The following NHSL2 variants were observed in gnomAD, a reference collection of about 807,000 sequenced individuals.
The protein encoded by NHSL2 is NHS-like protein 2.
A neutral mutation model predicts 53.4 loss-of-function variants in NHSL2; 27 were observed. The ratio of observed to expected loss-of-function variants is 0.51; its 90% confidence interval spans 0.37 to 0.70. The LOEUF (loss-of-function observed/expected upper bound fraction) is 0.70. Ranked by LOEUF, NHSL2 falls within the 30% of genes least tolerant of loss-of-function variation. The pLI, the probability that NHSL2 is intolerant of heterozygous loss-of-function variation, is 0.00. For synonymous variants in NHSL2, 408 were observed against 404.1 expected (o/e 1.01, Z -0.12); for missense variants, 892 against 980.1 (o/e 0.91, Z 1.20).
chrX:71,972,411 C>A (rs1397381008), intron 1 of NHSL2, among the ~76,000 whole-genome samples: 2 of 112,616 alleles, frequency 1.8e-5, no homozygotes, highest in Non-Finnish European at 3.8e-5. Flanking sequence ...TGTTTACTTT[C>A]TGCATTTTGA....
At chrX:72,099,714 A>G (rs776856799) in intron 1 of NHSL2, among the ~76,000 whole-genome samples, 1 of 112,437 alleles carries the variant, frequency 8.9e-6, no homozygotes, top group Non-Finnish European at 1.9e-5. Context: ...GTAAAAAGAA[A>G]AAGGTGAAAT....
rs1333474381 is a variant in NHSL2 at position 71,985,802 on chromosome X, C to A, written c.280+74435C>A. Among the ~76,000 whole-genome samples the A allele has an allele frequency of 3.6e-5, 4 of 112,047 alleles. No homozygotes were observed. The East Asian group carries it at 1.1e-3, about 31-fold the overall frequency. ...TCCATGAGTCTTGAAAGTTTTTCCT[C>A]TATTCTAATGTCATAATCTCCAAAG... On this transcript the variant is annotated intron_variant, in intron 1 of 7. Coordinates refer to ENST00000633930, the MANE Select transcript of NHSL2 (RefSeq NM_001013627.3).
intron 1 of NHSL2, among the ~76,000 whole-genome samples, chrX:72,124,889 C>T (rs1051297603): frequency 5.4e-5 from 6 of 111,443 alleles, no homozygotes; most frequent in Admixed American, 9.4e-5. Context: ...TCCTTCCTTC[C>T]TTCCTTCCTT....
At position 71,993,861 on chromosome X, in the gene NHSL2, CA is replaced by C. The variant is rs1464860189; in HGVS notation, c.280+82498del. On this transcript the variant is annotated intron_variant, in intron 1 of 7. Transcript: ENST00000633930. Reference sequence around the variant, plus strand: ...TTACTTTTGAAAACACTATGCAGGCCAAAACCAAAAAAAAAAAAAATATATG... The same window carrying C: ...TTACTTTTGAAAACACTATGCAGGCCAAACCAAAAAAAAAAAAAATATATG... Among the ~76,000 whole-genome samples the C allele has an allele frequency of 1.2e-4, 13 of 104,958 alleles. No individual in the cohort carries two copies. The Admixed American group carries it at 1.3e-3, about 11-fold the overall frequency. 91.1% of individuals were successfully genotyped at this position (104,958 alleles called of 115,157 possible).
rs774860054 is a variant in NHSL2 at position 72,121,406 on chromosome X, G to A, written c.281-10673G>A. Among the ~76,000 whole-genome samples the A allele has an allele frequency of 4.5e-5, 5 of 111,733 alleles. No individual in the cohort carries two copies. In the South Asian group the frequency reaches 1.9e-3, roughly 42 times the overall value. On this transcript the variant is annotated intron_variant, in intron 1 of 7. Coordinates refer to ENST00000633930, the MANE Select transcript of NHSL2 (RefSeq NM_001013627.3). ...ACTAATGAAAAATCTGTGTGTGCAA[G>A]CAGGTCCCCATTTTAAAATGGAGCA...
At chrX:72,078,797 C>G (rs2041765351) in intron 1 of NHSL2, among the ~76,000 whole-genome samples, 1 of 112,510 alleles carries the variant, frequency 8.9e-6, no homozygotes, top group South Asian at 3.7e-4. Context: ...GGGGATTTCA[C>G]CTCAGTCTTT....
intron 1 of NHSL2, among the ~76,000 whole-genome samples, chrX:71,962,460 A>AT (rs995514072): frequency 2.7e-5 from 3 of 110,441 alleles, no homozygotes; most frequent in African/African-American, 6.6e-5. Context: ...TTATTGGGAG[A>AT]TTTTTTTATT....
chrX:71,951,947 T>TAGCC (rs965097251), intron 1 of NHSL2, among the ~76,000 whole-genome samples: 23 of 111,659 alleles, frequency 2.1e-4, no homozygotes, highest in African/African-American at 6.5e-4. Context: ...CCTGCTGTGA[T>TAGCC]AGCCAGCCAG....
At chrX:71,930,700 G>A (rs1211156077) in intron 1 of NHSL2, among the ~76,000 whole-genome samples, 2 of 112,313 alleles carry the variant, frequency 1.8e-5, no homozygotes, top group Non-Finnish European at 3.8e-5. Context: ...AGGTTCATCC[G>A]TGCTACAGCA....
chrX:72,130,278 C>G, intron 1 of NHSL2: 20 of 1,203,045 alleles, frequency 1.7e-5, no homozygotes, highest in Non-Finnish European at 2.3e-5. Context: ...CTTCTTCATC[C>G]TTACTCTCTC....
At chrX:72,019,968 C>G (rs1163746399) in intron 1 of NHSL2, among the ~76,000 whole-genome samples, 3 of 112,020 alleles carry the variant, frequency 2.7e-5, no homozygotes, top group Non-Finnish European at 5.6e-5. Context: ...CACCCCTTCT[C>G]CATCTGCTTC....
intron 2 of NHSL2, 52 bp from the exon 3 acceptor site, chrX:72,134,039 G>GCGCT: frequency 1.7e-6 from 2 of 1,148,192 alleles, no homozygotes; most frequent in Non-Finnish European, 2.3e-6. Flanking sequence ...CCCCGGCCCA[G>GCGCT]CGCTCGGCCA....
At chrX:72,069,653 G>C in intron 1 of NHSL2, 2 of 935,883 alleles carry the variant, frequency 2.1e-6, no homozygotes, top group Non-Finnish European at 2.7e-6. Context: ...GGAGGTGGCA[G>C]CGGCCGCCGC....
At position 71,930,214 on chromosome X, in the gene NHSL2, G is replaced by A. The variant is rs188831324; in HGVS notation, c.280+18847G>A. Among the ~76,000 whole-genome samples the A allele has an allele frequency of 3.6e-5, 4 of 111,761 alleles. No homozygotes were observed. In the East Asian group the frequency reaches 1.1e-3, roughly 32 times the overall value. Reference sequence around the variant, plus strand: ...TACCTCACCTCCCACCCGTTTCACCGGGTCTACTTCAGCTGTGCTGGCCTC... The same window carrying A: ...TACCTCACCTCCCACCCGTTTCACCAGGTCTACTTCAGCTGTGCTGGCCTC... On this transcript the variant is annotated intron_variant, in intron 1 of 7. Coordinates refer to ENST00000633930, the MANE Select transcript of NHSL2 (RefSeq NM_001013627.3).
chrX:72,129,665 G>C, intron 1 of NHSL2: 1 of 509,323 alleles, frequency 2.0e-6, no homozygotes, highest in Non-Finnish European at 3.2e-6. Context: ...GTCGCTCTCT[G>C]GTCACGGTTG....
chrX:72,130,151 G>C (rs775454517), intron 1 of NHSL2: 7 of 1,210,885 alleles, frequency 5.8e-6, no homozygotes, highest in Non-Finnish European at 7.8e-6. Flanking sequence ...AGCTCATCTA[G>C]GTCATCATCT....
chrX:72,069,037 C>T (rs947391732), intron 1 of NHSL2, among the ~76,000 whole-genome samples: 1 of 112,794 alleles, frequency 8.9e-6, no homozygotes, highest in Non-Finnish European at 1.9e-5. Context: ...GATCCATCCC[C>T]CAGTGGAGCA....
intron 1 of NHSL2, among the ~76,000 whole-genome samples, chrX:72,028,169 A>C (rs73561894): frequency 8.9e-6 from 1 of 112,538 alleles, no homozygotes; most frequent in Non-Finnish European, 1.9e-5. Flanking sequence ...CTGCATGTGC[A>C]GTGGGCCAGG....
At chrX:71,975,087 A>T (rs2041942500) in intron 1 of NHSL2, among the ~76,000 whole-genome samples, 2 of 111,601 alleles carry the variant, frequency 1.8e-5, no homozygotes, top group African/African-American at 6.5e-5. Context: ...GCAACCTCAT[A>T]TGCTGGCCGC....
Sources: gnomAD v4.1 joint callset for allele counts (sites outside exome capture counted in the v4.1 genomes callset) on GRCh38, gnomAD v4.1.1 for gene constraint, MANE v1.5 for transcripts, NCBI Gene and HGNC (gene_info 2026-07-23, HGNC 2026-07-21) for gene names.